The following FAF2 variants were observed in gnomAD, a reference collection of about 807,000 sequenced individuals.
FAF2 encodes the protein Fas associated factor family member 2.
In FAF2, 9 loss-of-function variants were observed where a neutral mutation model predicts 62.3. The observed-to-expected ratio is 0.14, with a 90% CI of 0.09 to 0.25. The LOEUF is 0.25. FAF2 is among the 10% of genes least tolerant of loss of function. The pLI, the probability that FAF2 is intolerant of heterozygous loss-of-function variation, is 1.00. For synonymous variants in FAF2, 202 were observed against 198.0 expected (o/e 1.02, Z -0.17); for missense variants, 368 against 556.2 (o/e 0.66, Z 3.40).
chr5:176,506,646 T>C (rs2113751004), intron 10 of FAF2, 122 bp from the exon 11 acceptor site: 1 of 764,136 alleles, frequency 1.3e-6, no homozygotes, highest in Non-Finnish European at 2.1e-6. Flanking sequence ...TTCTTTCCTA[T>C]AGAGTCATCC....
intron 1 of FAF2, among the ~76,000 whole-genome samples, chr5:176,450,132 A>T (rs902658021): frequency 6.6e-6 from 1 of 152,218 alleles, no homozygotes; most frequent in Non-Finnish European, 1.5e-5. Flanking sequence ...AATTTCCTTG[A>T]ATAGACTTCA....
At chr5:176,455,997 C>A (rs1236273069) in intron 1 of FAF2, among the ~76,000 whole-genome samples, 3 of 151,612 alleles carry the variant, frequency 2.0e-5, no homozygotes, top group East Asian at 1.9e-4. Flanking sequence ...AAGAGAACTT[C>A]TGTCTTTGTC....
intron 3 of FAF2, among the ~76,000 whole-genome samples, chr5:176,487,828 A>C (rs993941306): frequency 4.7e-4 from 71 of 151,972 alleles, no homozygotes; most frequent in African/African-American, 1.7e-3. Context: ...TATATACATT[A>C]TTTTAGGTTT....
intron 1 of FAF2, among the ~76,000 whole-genome samples, chr5:176,476,757 C>T (rs577664596): frequency 1.8e-4 from 27 of 149,084 alleles, no homozygotes; most frequent in South Asian, 1.7e-3. Context: ...CACAGCCTCC[C>T]GAGAGTATCT....
intron 1 of FAF2, among the ~76,000 whole-genome samples, chr5:176,473,783 T>A (rs906575388): frequency 6.6e-6 from 1 of 152,236 alleles, no homozygotes; most frequent in Non-Finnish European, 1.5e-5. Context: ...TTGTTTTTCT[T>A]GGTAGAGATG....
chr5:176,482,428 G>C (rs1008231593), intron 2 of FAF2, among the ~76,000 whole-genome samples: 2 of 152,082 alleles, frequency 1.3e-5, no homozygotes, highest in Non-Finnish European at 2.9e-5. Flanking sequence ...GGCCAGGCTG[G>C]TGTTGAACTC....
intron 8 of FAF2, among the ~76,000 whole-genome samples, chr5:176,497,224 G>A (rs1755511031): frequency 6.6e-6 from 1 of 151,688 alleles, no homozygotes; most frequent in African/African-American, 2.4e-5. Flanking sequence ...TAGAATAGCT[G>A]AATATAATAT....
rs1581465728 is a variant in FAF2, at chr5:176,451,880, ATATATATATATATTTTTTTTTT to A, written c.63+3412_63+3433del. On this transcript the variant is annotated intron_variant, in intron 1 of 10. Coordinates refer to ENST00000261942, the MANE Select transcript of FAF2 (RefSeq NM_014613.3). The stretch of plus-strand genomic sequence containing the variant: ...TACACATATATATATACACACATAT[ATATATATATATATTTTTTTTTT>A]TTTTTTTTTTTTTTTTTTTGAGACA... Among the ~76,000 whole-genome samples, 21 of 22,652 alleles carry A rather than the reference ATATATATATATATTTTTTTTTT, an allele frequency of 9.3e-4. 2 individuals are homozygous for A. Among genetic ancestry groups the A allele is most frequent in the South Asian group, 5.2e-3 (3 of 580 alleles). The allele number at this position is 22,652 out of a possible 152,430, so 14.9% of individuals were successfully genotyped here.
chr5:176,454,790 AT>A (rs1758252701), intron 1 of FAF2, among the ~76,000 whole-genome samples: 1 of 152,086 alleles, frequency 6.6e-6, no homozygotes, highest in South Asian at 2.1e-4. Flanking sequence ...CACTTGACTG[AT>A]TAATTGGAGC....
intron 10 of FAF2, among the ~76,000 whole-genome samples, chr5:176,502,924 A>G (rs1052212263): frequency 9.3e-5 from 14 of 150,648 alleles, no homozygotes; most frequent in Non-Finnish European, 1.5e-4. Flanking sequence ...GGCGAGTGCC[A>G]GTAGTCCCAG....
At chr5:176,499,875 A>G (rs1219166751) in intron 9 of FAF2, 128 bp from the exon 10 acceptor site, 2 of 1,071,932 alleles carry the variant, frequency 1.9e-6, no homozygotes, top group Non-Finnish European at 2.7e-6. Flanking sequence ...GTTTTTGACT[A>G]TTCCTGAGAG....
chr5:176,450,327 C>T (rs1758140803), intron 1 of FAF2, among the ~76,000 whole-genome samples: 1 of 152,186 alleles, frequency 6.6e-6, no homozygotes, highest in Non-Finnish European at 1.5e-5. Flanking sequence ...AACCAGCTTA[C>T]ACTTCCAGGT....
intron 8 of FAF2, 100 bp from the exon 9 acceptor site, chr5:176,498,814 C>T: frequency 8.8e-7 from 1 of 1,139,028 alleles, no homozygotes; most frequent in Non-Finnish European, 1.2e-6. Flanking sequence ...AGAATATCAA[C>T]ATTTTTACAC....
At chr5:176,487,989 C>T (rs567874492) in intron 3 of FAF2, among the ~76,000 whole-genome samples, 1 of 151,902 alleles carries the variant, frequency 6.6e-6, no homozygotes, top group East Asian at 2.0e-4. Flanking sequence ...ATTACAGGCG[C>T]CCACCACCGC....
At position 176,479,349 on chromosome 5, in the gene FAF2, T is replaced by C. The variant is rs960467246; in HGVS notation, c.132+93T>C. ...TTTTCCATAGCAGGAATCTTTTCAG[T>C]AGATTTTTTTCAGAATTATGACTCT... On this transcript the variant is annotated intron_variant, in intron 2 of 10. Transcript: ENST00000261942. 7.0e-6 allele frequency: 7 copies of C among 1,003,518 alleles called. No homozygotes were observed. In the African/African-American group the frequency reaches 9.7e-5, roughly 14 times the overall value. 62.2% of individuals were successfully genotyped at this position (1,003,518 alleles called of 1,614,324 possible).
At chr5:176,462,297 G>A (rs1462296335) in intron 1 of FAF2, among the ~76,000 whole-genome samples, 1 of 151,978 alleles carries the variant, frequency 6.6e-6, no homozygotes, top group African/African-American at 2.4e-5. Context: ...AGAAAAAAGA[G>A]TGGATCAGAA....
chr5:176,504,276 G>C (rs1354315925), intron 10 of FAF2, among the ~76,000 whole-genome samples: 1 of 150,856 alleles, frequency 6.6e-6, no homozygotes, highest in East Asian at 1.9e-4. Flanking sequence ...AGGAGTTCGA[G>C]ACCAGCCTAA....
intron 1 of FAF2, among the ~76,000 whole-genome samples, chr5:176,456,027 T>C (rs1170316432): frequency 1.3e-5 from 2 of 152,176 alleles, no homozygotes; most frequent in East Asian, 3.8e-4. Context: ...TATGATTATA[T>C]TATACTTAAC....
intron 1 of FAF2, among the ~76,000 whole-genome samples, chr5:176,462,015 A>G (rs2162764): frequency 0.83 from 126,068 of 152,094 alleles, 52,383 homozygotes; most frequent in African/African-American, 0.9. Context: ...AGTGTCTCAC[A>G]CCTGTAGTCC....
Sources: allele counts gnomAD v4.1 joint callset (sites outside exome capture counted in the v4.1 genomes callset), GRCh38; gene constraint gnomAD v4.1.1; transcripts MANE v1.5; gene names NCBI Gene and HGNC (gene_info 2026-07-23, HGNC 2026-07-21).